The following UNC13B variants were observed in gnomAD, a reference collection of about 807,000 sequenced individuals.
UNC13B encodes protein unc-13 homolog B.
Under a neutral mutation model 211.0 loss-of-function variants are expected in UNC13B, and 144 were observed. The ratio of observed to expected loss-of-function variants is 0.68; its 90% confidence interval spans 0.60 to 0.78. UNC13B has a LOEUF of 0.78. UNC13B is among the 30% of genes least tolerant of loss of function. The probability of loss-of-function intolerance (pLI) is 0.00; values close to 1 mark genes in which losing one functional copy is unlikely to be tolerated. For missense variants in UNC13B, 1,777 were observed against 2,002.0 expected (o/e 0.89, Z 2.14); for synonymous variants, 709 against 725.8 (o/e 0.98, Z 0.37).
At chr9:35,299,337 A>G (rs1829558849) in intron 8 of UNC13B, among the ~76,000 whole-genome samples, 1 of 152,156 alleles carries the variant, frequency 6.6e-6, no homozygotes, top group Non-Finnish European at 1.5e-5. Flanking sequence ...TTTTTTTCTT[A>G]TTAAAAGAAA....
intron 6 of UNC13B, among the ~76,000 whole-genome samples, chr9:35,253,714 C>T (rs1033602782): frequency 6.6e-6 from 1 of 152,176 alleles, no homozygotes; most frequent in Non-Finnish European, 1.5e-5. Flanking sequence ...ATTACTTTTC[C>T]TACTCATGGG....
intron 1 of UNC13B, among the ~76,000 whole-genome samples, chr9:35,221,374 C>T (rs1049068312): frequency 5.9e-5 from 9 of 152,220 alleles, no homozygotes; most frequent in African/African-American, 1.7e-4. Flanking sequence ...CCGGCCTGTC[C>T]GTCTTGTTTT....
At chr9:35,192,165 T>A (rs572727984) in intron 1 of UNC13B, among the ~76,000 whole-genome samples, 13 of 152,298 alleles carry the variant, frequency 8.5e-5, no homozygotes, top group African/African-American at 3.1e-4. Flanking sequence ...AAAATTAACT[T>A]TTCCCAGGTT....
chr9:35,359,903 G>A (rs1002024063), intron 11 of UNC13B, among the ~76,000 whole-genome samples: 1 of 152,076 alleles, frequency 6.6e-6, no homozygotes, highest in South Asian at 2.1e-4. Context: ...GCATGAGTCA[G>A]GTTATATCAC....
At chr9:35,385,485 T>G in intron 22 of UNC13B, 1 of 985,440 alleles carries the variant, frequency 1.0e-6, no homozygotes, top group Non-Finnish European at 1.2e-6. Context: ...GAAGTAGGGC[T>G]GGAGGAGGAT....
chr9:35,202,291 G>A (rs190899750), intron 1 of UNC13B, among the ~76,000 whole-genome samples: 2 of 152,250 alleles, frequency 1.3e-5, no homozygotes, highest in Admixed American at 6.5e-5. Context: ...GTATGATGTG[G>A]TGCTGAAAAT....
intron 6 of UNC13B, among the ~76,000 whole-genome samples, chr9:35,249,275 G>A (rs1304343926): frequency 1.3e-5 from 2 of 152,018 alleles, no homozygotes; most frequent in Admixed American, 1.3e-4. Context: ...GGCTTCCTGA[G>A]TACAGCACAT....
In UNC13B at chr9:35,303,387, T is replaced by A; in HGVS notation, c.3983T>A (p.Leu1328Ter). The A allele has an allele frequency of 2.5e-6, 1 of 398,668 alleles. No homozygotes were observed. Among genetic ancestry groups the A allele is most frequent in the Admixed American group, 4.4e-5 (1 of 22,732 alleles). 24.7% of individuals were successfully genotyped at this position (398,668 alleles called of 1,614,324 possible). A position where few individuals can be genotyped will look rare whatever the true frequency, so the allele number is the denominator to read the frequency against. The change falls in exon 9 of 40, where the codon TTA (leucine) becomes TAA (stop). Residue 1328 changes from leucine (L) to a stop codon, truncating the protein, a stop_gained. Coordinates refer to ENST00000635942, the MANE Select transcript of UNC13B (RefSeq NM_001371189.2). LOFTEE classifies it high-confidence loss of function. ...EAKLHENSNK[L>*]NSPVLNTNIL... ...AAACTACATGAAAATTCAAACAAGT[T>A]AAATTCACCTGTACTAAATACCAAC... is the stretch of plus-strand genomic sequence containing the variant.
At chr9:35,200,938 T>C (rs1409764854) in intron 1 of UNC13B, among the ~76,000 whole-genome samples, 2 of 152,158 alleles carry the variant, frequency 1.3e-5, no homozygotes, top group African/African-American at 2.4e-5. Context: ...AGGCTTCCAG[T>C]TTTTGCCCAT....
chr9:35,203,127 C>T (rs564416067), intron 1 of UNC13B, among the ~76,000 whole-genome samples: 1 of 152,084 alleles, frequency 6.6e-6, no homozygotes, highest in African/African-American at 2.4e-5. Flanking sequence ...CAGTCTGTGT[C>T]TTTTAATTGG....
rs747482109 is a variant in UNC13B, at chr9:35,307,248, C to T, written c.7844C>T (p.Ser2615Leu). The change falls in exon 9 of 40, where the codon TCG becomes TTG. Residue 2615 changes from serine to leucine, a missense_variant. By Grantham distance (145) the Ser-to-Leu change is moderately radical. Coordinates refer to ENST00000635942, the MANE Select transcript of UNC13B (RefSeq NM_001371189.2). ...GAAACAATTAATACATCTTCTTTCT[C>T]GGGTGATGATACTGGGCAAGGAGTA... is the stretch of plus-strand genomic sequence containing the variant. ...RSETINTSSF[S>L]GDDTGQGVLS... 4.8e-5 allele frequency: 19 copies of T among 398,880 alleles called. No homozygotes were observed. Among genetic ancestry groups the T allele is most frequent in the African/African-American group, 6.2e-5 (3 of 48,712 alleles). 24.7% of individuals were successfully genotyped at this position (398,880 alleles called of 1,614,324 possible). A position where few individuals can be genotyped will look rare whatever the true frequency, so the allele number is the denominator to read the frequency against.
rs1403319956 is a variant in UNC13B, at chr9:35,398,258, G to T, written c.11802G>T (p.Glu3934Asp). The T allele has an allele frequency of 6.2e-7, 1 of 1,614,016 alleles. No homozygotes were observed. The highest frequency in any genetic ancestry group is 1.1e-5 in the South Asian group (1 of 91,024). ...TGCAGCAACTGAGGGTCCAGCTGGA[G>T]AAAATGTTTGAGGCCATGGGAGGCA... ...NNVQQLRVQL[E>D]KMFEAMGGKE... The change falls in exon 31 of 40, where the codon GAG becomes GAT. Residue 3934 changes from glutamate (E) to aspartate (D), a missense_variant. Glu to Asp is a conservative substitution (Grantham distance 45). Transcript: ENST00000635942.
At chr9:35,291,077 A>G in intron 7 of UNC13B, 6 of 1,550,352 alleles carry the variant, frequency 3.9e-6, no homozygotes, top group Non-Finnish European at 5.2e-6. Context: ...AGGTCACTGG[A>G]CCTATTTGGG....
In UNC13B at chr9:35,364,647, ATGTG is replaced by A. The variant is rs34002086; in HGVS notation, c.9415-2286_9415-2283del. ...TCCCAAGCACTGTATGTGTGTGTGT[ATGTG>A]TGTGTGTGTGTGTACATGCACATGT... On this transcript the variant is annotated intron_variant, in intron 11 of 39. Transcript: ENST00000635942. The A allele has an allele frequency of 2.5e-4, 337 of 1,352,764 alleles. 1 individual carries two copies. Among genetic ancestry groups the A allele is most frequent in the South Asian group, 8.2e-4 (61 of 74,744 alleles). 83.8% of individuals were successfully genotyped at this position (1,352,764 alleles called of 1,614,324 possible). A position where few individuals can be genotyped will look rare whatever the true frequency, so the allele number is the denominator to read the frequency against.
intron 7 of UNC13B, among the ~76,000 whole-genome samples, chr9:35,289,561 C>A (rs1828980763): frequency 6.6e-6 from 1 of 152,126 alleles, no homozygotes; most frequent in Non-Finnish European, 1.5e-5. Flanking sequence ...TTTACAGTAA[C>A]CCAGTGACAC....
At position 35,382,843 on chromosome 9, in the gene UNC13B, C is replaced by T. The variant is rs17849231; in HGVS notation, c.10806+336C>T. On this transcript the variant is annotated intron_variant, in intron 21 of 39. Transcript: ENST00000635942. ...CCTCCCAAAGGGCTGGGATTACAGG[C>T]TTGAGCCACCGTGCCCAGCCAAGTT... Among the ~76,000 whole-genome samples the T allele has an allele frequency of 3.3e-5, 5 of 152,288 alleles. No homozygotes were observed. The East Asian group carries it at 9.7e-4, about 29-fold the overall frequency.
chr9:35,289,961 G>A (rs893603252), intron 7 of UNC13B, among the ~76,000 whole-genome samples: 2 of 152,098 alleles, frequency 1.3e-5, no homozygotes, highest in African/African-American at 2.4e-5. Flanking sequence ...GGGTGACAGA[G>A]TGAGACTCTG....
intron 11 of UNC13B, among the ~76,000 whole-genome samples, chr9:35,343,495 G>T (rs1405866962): frequency 1.3e-5 from 2 of 152,182 alleles, no homozygotes; most frequent in African/African-American, 4.8e-5. Context: ...GAAAGGGTCA[G>T]GTGGAGAGGG....
intron 8 of UNC13B, among the ~76,000 whole-genome samples, chr9:35,297,547 C>CTTCTTTTTTTTTTTTTTTT (rs1829430895): frequency 9.9e-6 from 1 of 100,876 alleles, no homozygotes; most frequent in African/African-American, 4.1e-5. Context: ...CATACTTTGT[C>CTTCTTTTTTTTTTTTTTTT]TTTTTTTTTT....
Sources: gnomAD v4.1 joint callset for allele counts (sites outside exome capture counted in the v4.1 genomes callset) on GRCh38, gnomAD v4.1.1 for gene constraint, MANE v1.5 for transcripts, NCBI Gene and HGNC (gene_info 2026-07-23, HGNC 2026-07-21) for gene names.